VPS13B: variants seen among roughly 807,000 people sequenced by gnomAD.
The protein encoded by VPS13B is intermembrane lipid transfer protein VPS13B.
In VPS13B, 285 loss-of-function variants were observed where a neutral mutation model predicts 426.4. That is an observed-to-expected ratio of 0.67 (90% CI 0.61 to 0.74). The LOEUF (loss-of-function observed/expected upper bound fraction) is 0.74, where lower values mean the gene tolerates loss of function less well. VPS13B is among the 30% of genes least tolerant of loss of function. VPS13B has a pLI of 0.00. For missense variants in VPS13B, 4,537 were observed against 4,782.6 expected (o/e 0.95, Z 1.51); for synonymous variants, 1,676 against 1,676.4 (o/e 1.00, Z 0.01).
rs1459641340 is a variant in VPS13B, at chr8:99,640,010, T to TAAG, written c.5221-1799_5221-1798insGAA. ...GTAATAATAATAATAATAATAATAATAATAATAATAATAATAAGAAGAAGA... is the reference window on the plus strand; with the variant it reads ...GTAATAATAATAATAATAATAATAATAAGAATAATAATAATAATAAGAAGAAGA... On this transcript the variant is annotated intron_variant, in intron 33 of 61. Transcript: ENST00000357162. 4.5e-3 allele frequency among the ~76,000 whole-genome samples: 328 copies of TAAG among 72,428 alleles called. 2 individuals carry two copies. The highest frequency in any genetic ancestry group is 5.8e-3 in the East Asian group (10 of 1,724). 47.5% of individuals were successfully genotyped at this position (72,428 alleles called of 152,430 possible).
rs113925938 is a variant in VPS13B at position 99,095,691 on chromosome 8, A to G, written c.292-621A>G. Among the ~76,000 whole-genome samples the G allele has an allele frequency of 1.8e-3, 278 of 152,330 alleles. 1 individual carries two copies. Among genetic ancestry groups the G allele is most frequent in the African/African-American group, 6.3e-3 (264 of 41,588 alleles). On this transcript the variant is annotated intron_variant, in intron 3 of 61. Transcript: ENST00000357162. ...ATATACATGTTGAATCAGGACAGGA[A>G]AAAAGTACTCATTTGCAGTTATAAA...
rs141001191 is a variant in VPS13B at position 99,042,617 on chromosome 8, C to T, written c.291+4051C>T. Among the ~76,000 whole-genome samples, 35 of 152,264 alleles carry T rather than the reference C, an allele frequency of 2.3e-4. No individual in the cohort carries two copies. The East Asian group carries it at 3.7e-3, about 16-fold the overall frequency. ...CATAAGCACGGATTCCTTTCTTAAA[C>T]ATTTTAAGTCAGATACCAGTAAGCC... On this transcript the variant is annotated intron_variant, in intron 3 of 61. Transcript: ENST00000357162.
intron 43 of VPS13B, among the ~76,000 whole-genome samples, chr8:99,785,591 T>C (rs1174169780): frequency 6.6e-6 from 1 of 152,194 alleles, no homozygotes; most frequent in Admixed American, 6.6e-5. Flanking sequence ...CACATACCCT[T>C]GTTTTCTAAT....
intron 17 of VPS13B, among the ~76,000 whole-genome samples, chr8:99,268,272 G>C (rs112743145): frequency 5.3e-5 from 8 of 152,170 alleles, no homozygotes; most frequent in African/African-American, 1.9e-4. Context: ...CCCTACTGGG[G>C]CACTGCCTAC....
chr8:99,503,010 A>G, intron 27 of VPS13B, 60 bp downstream of exon 27: 1 of 1,289,002 alleles, frequency 7.8e-7, no homozygotes, highest in South Asian at 1.2e-5. Context: ...AAGTTACCAT[A>G]AGACTTTTTC....
At chr8:99,154,032 G>A (rs1032750275) in intron 14 of VPS13B, among the ~76,000 whole-genome samples, 1 of 151,746 alleles carries the variant, frequency 6.6e-6, no homozygotes, top group African/African-American at 2.4e-5. Context: ...TTGAGTGGAG[G>A]TCAGGTATAA....
chr8:99,026,173 C>T (rs556996571), intron 2 of VPS13B, among the ~76,000 whole-genome samples: 4 of 152,104 alleles, frequency 2.6e-5, no homozygotes, highest in African/African-American at 4.8e-5. Flanking sequence ...TGCTATATTC[C>T]GTAGGATTTG....
At chr8:99,146,746 T>A (rs149728773) in intron 13 of VPS13B, among the ~76,000 whole-genome samples, 156 of 151,812 alleles carry the variant, frequency 1.0e-3, no homozygotes, top group African/African-American at 3.5e-3. Context: ...CTAATCTTTG[T>A]TTTTTTTGTA....
In VPS13B at chr8:99,233,600, A is replaced by G. The variant is rs111905825; in HGVS notation, c.2515+40543A>G. On this transcript the variant is annotated intron_variant, in intron 17 of 61. Transcript: ENST00000357162. ...ATTAACAGCCAGCATATCATTTTCA[A>G]AGGCCTCACGCAGCTTCTTCATAAT... 1,266 of 1,208,806 alleles carry G rather than the reference A, an allele frequency of 1.0e-3. 12 individuals are homozygous for G. Among genetic ancestry groups the G allele is most frequent in the South Asian group, 9.3e-3 (771 of 82,662 alleles). 74.9% of individuals were successfully genotyped at this position (1,208,806 alleles called of 1,614,324 possible).
At chr8:99,738,427 GA>G (rs2130452841) in intron 39 of VPS13B, among the ~76,000 whole-genome samples, 1 of 152,218 alleles carries the variant, frequency 6.6e-6, no homozygotes, top group African/African-American at 2.4e-5. Context: ...TACTTCATTA[GA>G]AATTATCTTA....
intron 39 of VPS13B, among the ~76,000 whole-genome samples, chr8:99,723,593 C>T (rs964060356): frequency 6.6e-6 from 1 of 151,976 alleles, no homozygotes. Flanking sequence ...AGTAGAAGCA[C>T]AGGCTAGACC....
intron 21 of VPS13B, among the ~76,000 whole-genome samples, chr8:99,420,674 A>G (rs1230479047): frequency 1.3e-5 from 2 of 152,162 alleles, no homozygotes; most frequent in Admixed American, 6.5e-5. Flanking sequence ...TTGCTACACC[A>G]TATCACTATG....
chr8:99,193,983 A>G (rs2132731356), intron 17 of VPS13B, among the ~76,000 whole-genome samples: 1 of 152,252 alleles, frequency 6.6e-6, no homozygotes, highest in Middle Eastern at 3.4e-3. Flanking sequence ...TTTCATATAC[A>G]CCTTATACAC....
At chr8:99,611,371 A>G (rs1020807586) in intron 33 of VPS13B, among the ~76,000 whole-genome samples, 4 of 152,186 alleles carry the variant, frequency 2.6e-5, no homozygotes, top group Non-Finnish European at 5.9e-5. Context: ...CTTAAAGTAC[A>G]TATTTATACT....
Position 99,048,815 on chromosome 8 carries a change from A to C in VPS13B, c.291+10249A>C, listed in dbSNP as rs950065847. ...GGGTGACAGAGCAAAACTCTGTCTC[A>C]AAAAAAAAAAAGAAAATTTGGGAGC... On this transcript the variant is annotated intron_variant, in intron 3 of 61. Transcript: ENST00000357162. 6.5e-4 allele frequency among the ~76,000 whole-genome samples: 7 copies of C among 10,754 alleles called. 1 individual carries two copies. The highest frequency in any genetic ancestry group is 1.8e-3 in the African/African-American group (7 of 3,872). 7.1% of individuals were successfully genotyped at this position (10,754 alleles called of 152,430 possible).
chr8:99,041,344 T>C (rs1275037709), intron 3 of VPS13B, among the ~76,000 whole-genome samples: 3 of 152,370 alleles, frequency 2.0e-5, no homozygotes, highest in Non-Finnish European at 4.4e-5. Context: ...ACACAGTTTT[T>C]GATTCATGAC....
At chr8:99,155,472 G>C (rs1811311011) in intron 14 of VPS13B, among the ~76,000 whole-genome samples, 1 of 152,138 alleles carries the variant, frequency 6.6e-6, no homozygotes, top group Admixed American at 6.5e-5. Flanking sequence ...GCTTCAGATG[G>C]GTGGTGGTTA....
At chr8:99,103,366 G>A (rs759039888) in intron 5 of VPS13B, among the ~76,000 whole-genome samples, 1 of 152,078 alleles carries the variant, frequency 6.6e-6, no homozygotes, top group Non-Finnish European at 1.5e-5. Flanking sequence ...GTCTGGCTCT[G>A]TTGCCCAGGC....
At chr8:99,547,368 G>C (rs1824041892) in intron 30 of VPS13B, among the ~76,000 whole-genome samples, 1 of 152,012 alleles carries the variant, frequency 6.6e-6, no homozygotes, top group East Asian at 1.9e-4. Flanking sequence ...CACTTATGGA[G>C]ACTTGGTGAT....
Sources: allele counts gnomAD v4.1 joint callset (sites outside exome capture counted in the v4.1 genomes callset), GRCh38; gene constraint gnomAD v4.1.1; transcripts MANE v1.5; gene names NCBI Gene and HGNC (gene_info 2026-07-23, HGNC 2026-07-21).